The following LRFN5 variants were observed in gnomAD, a reference collection of about 807,000 sequenced individuals.
LRFN5 encodes the protein leucine rich repeat and fibronectin type III domain containing 5.
LRFN5 carries 24 observed loss-of-function variants against 45.6 expected under a neutral mutation model. That is an observed-to-expected ratio of 0.53 (90% confidence interval 0.38 to 0.74). The LOEUF (loss-of-function observed/expected upper bound fraction) is 0.74, where lower values mean the gene tolerates loss of function less well. LRFN5 is among the 30% of genes least tolerant of loss of function. The pLI is 0.00. For missense variants in LRFN5, 776 were observed against 861.5 expected (o/e 0.90, Z 1.24); for synonymous variants, 340 against 313.8 (o/e 1.08, Z -0.88).
At chr14:41,896,049 A>G (rs985477258) in intron 4 of LRFN5, among the ~76,000 whole-genome samples, 1 of 152,130 alleles carries the variant, frequency 6.6e-6, no homozygotes, top group Non-Finnish European at 1.5e-5. Flanking sequence ...TGAAAAGAAA[A>G]TATATCATTT....
chr14:41,676,090 T>G (rs1881616407), intron 1 of LRFN5, among the ~76,000 whole-genome samples: 1 of 152,218 alleles, frequency 6.6e-6, no homozygotes, highest in Non-Finnish European at 1.5e-5. Flanking sequence ...AGGGGCAGGC[T>G]GATAGTGTCT....
chr14:41,903,861 AT>A (rs1294107390), intron 5 of LRFN5, among the ~76,000 whole-genome samples: 1 of 152,038 alleles, frequency 6.6e-6, no homozygotes, highest in Non-Finnish European at 1.5e-5. Context: ...AGAAAATGCC[AT>A]TTTACAATGT....
chr14:41,670,232 C>T lies in LRFN5; in HGVS notation c.-197+61670C>T, dbSNP rs748930411. 2.0e-3 allele frequency among the ~76,000 whole-genome samples: 237 copies of T among 115,706 alleles called. 8 individuals are homozygous for T. Among genetic ancestry groups the T allele is most frequent in the Middle Eastern group, 5.7e-3 (1 of 174 alleles). 75.9% of individuals were successfully genotyped at this position (115,706 alleles called of 152,430 possible). Reference sequence around the variant, plus strand: ...GTGTGTGTGTATATATATGTATACACACACACACACACACATACACACAGA... The same window carrying T: ...GTGTGTGTGTATATATATGTATACATACACACACACACACATACACACAGA... On this transcript the variant is annotated intron_variant, in intron 1 of 5. Coordinates refer to ENST00000298119, the MANE Select transcript of LRFN5 (RefSeq NM_152447.5).
intron 1 of LRFN5, among the ~76,000 whole-genome samples, chr14:41,673,433 C>T (rs1594602373): frequency 7.0e-6 from 1 of 141,866 alleles, no homozygotes; most frequent in Non-Finnish European, 1.5e-5. Context: ...GGGCGGCTGG[C>T]CGGGCGGGGG....
At chr14:41,675,231 C>T (rs543966594) in intron 1 of LRFN5, among the ~76,000 whole-genome samples, 1 of 152,240 alleles carries the variant, frequency 6.6e-6, no homozygotes, top group Non-Finnish European at 1.5e-5. Flanking sequence ...AATCTCGGCA[C>T]TTTGGGAGGC....
chr14:41,755,081 G>A (rs1885313138), intron 1 of LRFN5, among the ~76,000 whole-genome samples: 1 of 152,134 alleles, frequency 6.6e-6, no homozygotes, highest in South Asian at 2.1e-4. Flanking sequence ...AGTTTTGAGT[G>A]AGTTTCTTAA....
At chr14:41,622,616 AAATAT>A (rs1469947872) in intron 1 of LRFN5, among the ~76,000 whole-genome samples, 4 of 152,136 alleles carry the variant, frequency 2.6e-5, no homozygotes, top group Admixed American at 2.6e-4. Flanking sequence ...AAGGTTGTGG[AAATAT>A]AATCATCTTT....
At chr14:41,821,638 C>G (rs550993248) in intron 2 of LRFN5, among the ~76,000 whole-genome samples, 212 of 151,670 alleles carry the variant, frequency 1.4e-3, no homozygotes, top group Non-Finnish European at 2.7e-3. Context: ...ATGATATGAG[C>G]TTTGTAGAAT....
chr14:41,631,010 A>G (rs1888514659), intron 1 of LRFN5, among the ~76,000 whole-genome samples: 1 of 152,042 alleles, frequency 6.6e-6, no homozygotes, highest in South Asian at 2.1e-4. Flanking sequence ...CCCTCTTTTA[A>G]TTTATACTGT....
At chr14:41,676,723 C>G (rs1322526686) in intron 1 of LRFN5, among the ~76,000 whole-genome samples, 2 of 152,034 alleles carry the variant, frequency 1.3e-5, no homozygotes, top group African/African-American at 4.8e-5. Context: ...AAATATGGGG[C>G]AAAAAGTCTT....
chr14:41,882,604 T>G (rs1261805528), intron 2 of LRFN5, among the ~76,000 whole-genome samples: 3 of 152,258 alleles, frequency 2.0e-5, no homozygotes, highest in Non-Finnish European at 4.4e-5. Flanking sequence ...TCCCATATTT[T>G]TAAGATAATA....
At chr14:41,708,121 A>AT (rs1191162814) in intron 1 of LRFN5, among the ~76,000 whole-genome samples, 1 of 152,080 alleles carries the variant, frequency 6.6e-6, no homozygotes, top group Admixed American at 6.6e-5. Flanking sequence ...ATTTCATATT[A>AT]GTACTTTTTC....
intron 5 of LRFN5, among the ~76,000 whole-genome samples, chr14:41,900,861 T>G (rs996746959): frequency 2.0e-5 from 3 of 152,126 alleles, no homozygotes; most frequent in Admixed American, 2.0e-4. Flanking sequence ...TGTCATAGCC[T>G]TTCACATTGT....
intron 1 of LRFN5, among the ~76,000 whole-genome samples, chr14:41,739,881 A>G (rs971574728): frequency 6.6e-6 from 1 of 152,082 alleles, no homozygotes; most frequent in Non-Finnish European, 1.5e-5. Flanking sequence ...CATAACTGAT[A>G]CCACAGAAAT....
intron 2 of LRFN5, among the ~76,000 whole-genome samples, chr14:41,801,470 G>T (rs553072339): frequency 6.6e-6 from 1 of 152,224 alleles, no homozygotes; most frequent in African/African-American, 2.4e-5. Flanking sequence ...ATATATCTTA[G>T]ACAAAAGTCC....
chr14:41,904,356 G>C lies in LRFN5; in HGVS notation c.*181G>C. 1.6e-6 allele frequency: 1 copy of C among 621,576 alleles called. No individual in the cohort carries two copies. The highest frequency in any genetic ancestry group is 2.8e-5 in the South Asian group (1 of 35,176). The allele number at this position is 621,576 out of a possible 1,614,324, so 38.5% of individuals were successfully genotyped here. ...GCGGAACTGGCTCCATTAGACCATG[G>C]TTCATCCTCTTTTAAAACCAAATTT... is the stretch of plus-strand genomic sequence containing the variant. On this transcript the variant is annotated 3_prime_UTR_variant, in exon 6 of 6. Transcript: ENST00000298119.
chr14:41,657,553 T>C (rs1199767299), intron 1 of LRFN5, among the ~76,000 whole-genome samples: 1 of 151,964 alleles, frequency 6.6e-6, no homozygotes, highest in Non-Finnish European at 1.5e-5. Context: ...TTTGGAAAAT[T>C]TCTTTGTAAC....
chr14:41,872,342 A>G (rs922458060), intron 2 of LRFN5, among the ~76,000 whole-genome samples: 4 of 152,342 alleles, frequency 2.6e-5, no homozygotes, highest in African/African-American at 9.6e-5. Flanking sequence ...AAGTATCTAT[A>G]GACATATAGA....
chr14:41,758,169 C>T (rs1442192327), intron 1 of LRFN5, among the ~76,000 whole-genome samples: 1 of 152,068 alleles, frequency 6.6e-6, no homozygotes, highest in African/African-American at 2.4e-5. Context: ...TGCCAGATTT[C>T]CTTGAGTTTT....
Sources: gnomAD v4.1 joint callset for allele counts (sites outside exome capture counted in the v4.1 genomes callset) on GRCh38, gnomAD v4.1.1 for gene constraint, MANE v1.5 for transcripts, NCBI Gene and HGNC (gene_info 2026-07-23, HGNC 2026-07-21) for gene names.